The following C16orf87 variants were observed in gnomAD, a reference collection of about 807,000 sequenced individuals.
The protein encoded by C16orf87 is UPF0547 protein C16orf87.
C16orf87 carries 13 observed loss-of-function variants against 21.0 expected under a neutral mutation model. The ratio of observed to expected loss-of-function variants is 0.62; its 90% CI spans 0.40 to 0.98. The LOEUF is 0.98. Ranked by LOEUF, C16orf87 falls within the 50% of genes least tolerant of loss-of-function variation. The pLI is 0.00. For missense variants in C16orf87, 113 were observed against 180.4 expected, an observed-to-expected ratio of 0.63 and a Z score of 2.14; for synonymous variants, 49 against 60.2, an observed-to-expected ratio of 0.81 and a Z score of 0.86.
intron 2 of C16orf87, among the ~76,000 whole-genome samples, chr16:46,819,526 T>C (rs1309543999): frequency 6.6e-6 from 1 of 150,418 alleles, no homozygotes; most frequent in African/African-American, 2.4e-5. Flanking sequence ...GCCAGGCTGG[T>C]CTCAAACTCC....
intron 1 of C16orf87, among the ~76,000 whole-genome samples, chr16:46,826,078 T>C (rs1165542307): frequency 6.6e-6 from 1 of 152,192 alleles, no homozygotes; most frequent in Admixed American, 6.5e-5. Flanking sequence ...CAGAATCTTA[T>C]ATCTTAGTTC....
chr16:46,803,465 A>G (rs962325461), intron 3 of C16orf87, among the ~76,000 whole-genome samples: 1 of 152,154 alleles, frequency 6.6e-6, no homozygotes, highest in Non-Finnish European at 1.5e-5. Flanking sequence ...ATCTTCTTAT[A>G]CAGGAAATGA....
chr16:46,819,292 C>A (rs1031531848), intron 2 of C16orf87, among the ~76,000 whole-genome samples: 4 of 151,978 alleles, frequency 2.6e-5, no homozygotes, highest in African/African-American at 9.7e-5. Context: ...GCCATGTTGC[C>A]CAGCCTGGTC....
intron 2 of C16orf87, among the ~76,000 whole-genome samples, chr16:46,813,129 C>T (rs1174290235): frequency 2.0e-5 from 3 of 152,122 alleles, no homozygotes; most frequent in Admixed American, 6.6e-5. Flanking sequence ...ATGATGGCTC[C>T]AAAGTTTTCA....
intron 2 of C16orf87, among the ~76,000 whole-genome samples, chr16:46,816,470 G>A (rs1968243959): frequency 6.6e-6 from 1 of 152,080 alleles, no homozygotes; most frequent in Non-Finnish European, 1.5e-5. Flanking sequence ...CTAAAGCGTA[G>A]GTGCTAATAA....
At chr16:46,804,565 T>G (rs1385910606) in intron 3 of C16orf87, among the ~76,000 whole-genome samples, 1 of 152,268 alleles carries the variant, frequency 6.6e-6, no homozygotes, top group Non-Finnish European at 1.5e-5. Context: ...TGACTACTGG[T>G]GCCATTGTTG....
rs181312691 is a variant in C16orf87 at position 46,829,600 on chromosome 16, T to C, written c.66+1484A>G. ...GAATAATTGGAAATGATTTAAACACTGAAATAATCTCCCGCAAAGAGTCAT... is the reference window on the plus strand; with the variant it reads ...GAATAATTGGAAATGATTTAAACACCGAAATAATCTCCCGCAAAGAGTCAT... On this transcript the variant is annotated intron_variant, in intron 1 of 3. Coordinates refer to ENST00000285697, the MANE Select transcript of C16orf87 (RefSeq NM_001001436.4). Among the ~76,000 whole-genome samples, 259 of 152,310 alleles carry C rather than the reference T, an allele frequency of 1.7e-3. 1 individual carries two copies. Among genetic ancestry groups the C allele is most frequent in the Middle Eastern group, 6.8e-3 (2 of 294 alleles).
At chr16:46,807,180 C>T (rs924964551) in intron 3 of C16orf87, among the ~76,000 whole-genome samples, 2 of 152,224 alleles carry the variant, frequency 1.3e-5, no homozygotes, top group African/African-American at 4.8e-5. Context: ...CTCATGCATG[C>T]CTGCAATCCC....
At chr16:46,830,308 G>GAGAGAGAGAGAC (rs1555479576) in intron 1 of C16orf87, among the ~76,000 whole-genome samples, 6 of 23,012 alleles carry the variant, frequency 2.6e-4, no homozygotes, top group Admixed American at 6.1e-4. Flanking sequence ...GAGAGAGAGA[G>GAGAGAGAGAGAC]ACACACAGAG....
At chr16:46,831,059 C>G in intron 1 of C16orf87, 25 bp downstream of exon 1, 1 of 1,557,170 alleles carries the variant, frequency 6.4e-7, no homozygotes, top group Non-Finnish European at 8.7e-7. Flanking sequence ...GCCGCCCGCC[C>G]GCGCGCCCGG....
chr16:46,796,854 G>GCTTTA lies in C16orf87; in HGVS notation c.*6097_*6098insTAAAG, dbSNP rs1967621138. 1 of 152,138 alleles carries GCTTTA rather than the reference G, an allele frequency of 6.6e-6. No homozygotes were observed. Among genetic ancestry groups the GCTTTA allele is most frequent in the Non-Finnish European group, 1.5e-5 (1 of 68,026 alleles). The allele number at this position is 152,138 out of a possible 1,614,324, so 9.4% of individuals were successfully genotyped here. The stretch of plus-strand genomic sequence containing the variant: ...AAAACTTTACATAATCTGATGAAAG[G>GCTTTA]CATAAACTTACACATTTAAGCTCAA... On this transcript the variant is annotated 3_prime_UTR_variant, in exon 4 of 4. Coordinates refer to ENST00000285697, the MANE Select transcript of C16orf87 (RefSeq NM_001001436.4).
At chr16:46,825,038 G>T (rs1313122211) in intron 1 of C16orf87, among the ~76,000 whole-genome samples, 1 of 152,088 alleles carries the variant, frequency 6.6e-6, no homozygotes, top group African/African-American at 2.4e-5. Context: ...AAATAAATAT[G>T]TATTAAATAT....
chr16:46,799,392 G>T lies in C16orf87; in HGVS notation c.*3560C>A, dbSNP rs1192578524. The stretch of plus-strand genomic sequence containing the variant: ...GTCATGTAGTAAAAGAAAAAACCCA[G>T]CTGCACAGAAAAAACTTTAATTAAC... On this transcript the variant is annotated 3_prime_UTR_variant, in exon 4 of 4. Coordinates refer to ENST00000285697, the MANE Select transcript of C16orf87 (RefSeq NM_001001436.4). 1 of 152,096 alleles carries T rather than the reference G, an allele frequency of 6.6e-6. No homozygotes were observed. The highest frequency in any genetic ancestry group is 1.9e-4 in the East Asian group (1 of 5,190). The allele number at this position is 152,096 out of a possible 1,614,324, so 9.4% of individuals were successfully genotyped here. A position where few individuals can be genotyped will look rare whatever the true frequency, so the allele number is the denominator to read the frequency against.
chr16:46,809,006 T>A (rs1423997034), intron 3 of C16orf87, among the ~76,000 whole-genome samples: 2 of 142,590 alleles, frequency 1.4e-5, no homozygotes, highest in Non-Finnish European at 3.0e-5. Flanking sequence ...AACTCAGACA[T>A]GTCTTTAAAA....
chr16:46,823,825 G>A (rs910680066), intron 2 of C16orf87, among the ~76,000 whole-genome samples: 2 of 152,234 alleles, frequency 1.3e-5, no homozygotes, highest in East Asian at 1.9e-4. Flanking sequence ...ATTACACTCA[G>A]TGAAAGAAGC....
At chr16:46,828,547 G>C (rs758884226) in intron 1 of C16orf87, among the ~76,000 whole-genome samples, 1 of 152,114 alleles carries the variant, frequency 6.6e-6, no homozygotes, top group African/African-American at 2.4e-5. Flanking sequence ...GTTTTAGAAT[G>C]ATATGTTCAA....
chr16:46,815,671 C>T (rs887027571), intron 2 of C16orf87, among the ~76,000 whole-genome samples: 1 of 151,972 alleles, frequency 6.6e-6, no homozygotes, highest in Non-Finnish European at 1.5e-5. Flanking sequence ...TAAGAAAATG[C>T]AAATCAAAAC....
At chr16:46,812,796 A>G (rs1044048428) in intron 2 of C16orf87, among the ~76,000 whole-genome samples, 2 of 152,182 alleles carry the variant, frequency 1.3e-5, no homozygotes, top group African/African-American at 4.8e-5. Context: ...TATAGTTCCT[A>G]TCCCACTGAA....
At chr16:46,807,412 A>C (rs757318652) in intron 3 of C16orf87, among the ~76,000 whole-genome samples, 3 of 151,832 alleles carry the variant, frequency 2.0e-5, no homozygotes, top group Non-Finnish European at 4.4e-5. Flanking sequence ...GTGAGACGCT[A>C]TCTCAGAAGG....
Sources: allele counts gnomAD v4.1 joint callset (sites outside exome capture counted in the v4.1 genomes callset), GRCh38; gene constraint gnomAD v4.1.1; transcripts MANE v1.5; gene names NCBI Gene and HGNC (gene_info 2026-07-23, HGNC 2026-07-21).